The following RRAS2 variants were observed in gnomAD, a reference collection of about 807,000 sequenced individuals.
The protein encoded by RRAS2 is ras-related protein R-Ras2.
Under a neutral mutation model 27.6 loss-of-function variants are expected in RRAS2, and 7 were observed. The observed-to-expected ratio is 0.25, with a 90% CI of 0.14 to 0.48. RRAS2 has a LOEUF of 0.48. RRAS2 is among the 20% of genes least tolerant of loss of function. The pLI is 0.99. For synonymous variants in RRAS2, 86 were observed against 90.9 expected (o/e 0.95, Z 0.31); for missense variants, 178 against 256.2 (o/e 0.69, Z 2.08).
At chr11:14,352,295 G>T (rs532920724) in intron 1 of RRAS2, among the ~76,000 whole-genome samples, 1 of 152,136 alleles carries the variant, frequency 6.6e-6, no homozygotes, top group African/African-American at 2.4e-5. Context: ...TCAGTGCTAT[G>T]CAACAAATAA....
chr11:14,285,407 C>G (rs1436034655), intron 4 of RRAS2, among the ~76,000 whole-genome samples: 2 of 152,136 alleles, frequency 1.3e-5, no homozygotes, highest in East Asian at 1.9e-4. Context: ...AACTAGTTAA[C>G]AACAATATTT....
intron 1 of RRAS2, among the ~76,000 whole-genome samples, chr11:14,347,475 TG>T (rs1186079611): frequency 6.6e-6 from 1 of 152,208 alleles, no homozygotes; most frequent in Non-Finnish European, 1.5e-5. Context: ...TTTCTGTAAC[TG>T]GGAATAAGAC....
chr11:14,352,948 G>A (rs1338282195), intron 1 of RRAS2, among the ~76,000 whole-genome samples: 4 of 151,706 alleles, frequency 2.6e-5, no homozygotes, highest in African/African-American at 2.4e-5. Flanking sequence ...GCAGGCGCCC[G>A]CCACCACACC....
chr11:14,351,820 A>T (rs1348473132), intron 1 of RRAS2, among the ~76,000 whole-genome samples: 1 of 145,832 alleles, frequency 6.9e-6, no homozygotes, highest in African/African-American at 2.5e-5. Flanking sequence ...CCTTGAACCC[A>T]GGAGGCGGAG....
chr11:14,344,624 A>G lies in RRAS2; in HGVS notation c.108+14139T>C, dbSNP rs115448523. Reference sequence around the variant, plus strand: ...TTTTGACTACTGAAACGTCAACCACATCGTCATTAACCAAAAACAGGCATT... The same window carrying G: ...TTTTGACTACTGAAACGTCAACCACGTCGTCATTAACCAAAAACAGGCATT... On this transcript the variant is annotated intron_variant, in intron 1 of 5. Coordinates refer to ENST00000256196, the MANE Select transcript of RRAS2 (RefSeq NM_012250.6). Among the ~76,000 whole-genome samples, 641 of 152,336 alleles carry G rather than the reference A, an allele frequency of 4.2e-3. 2 individuals carry two copies. The highest frequency in any genetic ancestry group is 0.014 in the African/African-American group (594 of 41,582).
intron 1 of RRAS2, among the ~76,000 whole-genome samples, chr11:14,340,027 G>A (rs551805089): frequency 6.9e-4 from 105 of 151,528 alleles, no homozygotes; most frequent in Admixed American, 1.5e-3. Flanking sequence ...GCTGAGGTGG[G>A]AGGTTTGCTT....
At chr11:14,286,203 TATTA>T (rs1396029945) in intron 4 of RRAS2, among the ~76,000 whole-genome samples, 10 of 152,374 alleles carry the variant, frequency 6.6e-5, no homozygotes, top group South Asian at 4.1e-4. Flanking sequence ...GATCTGCTCC[TATTA>T]ATTATTTGTT....
intron 4 of RRAS2, among the ~76,000 whole-genome samples, chr11:14,291,854 G>A (rs1312058555): frequency 6.6e-6 from 1 of 152,180 alleles, no homozygotes; most frequent in Non-Finnish European, 1.5e-5. Context: ...GACCAGAAGT[G>A]TTTGGGATTT....
At chr11:14,296,201 A>G (rs1332795432) in intron 1 of RRAS2, among the ~76,000 whole-genome samples, 21 of 151,832 alleles carry the variant, frequency 1.4e-4, no homozygotes, top group African/African-American at 5.1e-4. Context: ...TAAATAAAAT[A>G]AATAGAATAA....
intron 5 of RRAS2, among the ~76,000 whole-genome samples, chr11:14,281,239 G>C (rs1452835140): frequency 1.3e-5 from 2 of 152,096 alleles, no homozygotes; most frequent in Non-Finnish European, 2.9e-5. Context: ...CTGAAAGTGA[G>C]GATAAAACAG....
Position 14,302,009 on chromosome 11 carries a change from TA to T in RRAS2, c.109-6155del, listed in dbSNP as rs138815095. The stretch of plus-strand genomic sequence containing the variant: ...AATTAAAATAAATAAATAAAATTCA[TA>T]AAATTTCAAATTTCTCATTCCCTTA... On this transcript the variant is annotated intron_variant, in intron 1 of 5. Transcript: ENST00000256196. Among the ~76,000 whole-genome samples, 1,229 of 151,000 alleles carry T rather than the reference TA, an allele frequency of 8.1e-3. 12 individuals are homozygous for T. The highest frequency in any genetic ancestry group is 0.029 in the African/African-American group (1,196 of 41,106).
chr11:14,353,216 A>C (rs79904273), intron 1 of RRAS2, among the ~76,000 whole-genome samples: 1 of 152,314 alleles, frequency 6.6e-6, no homozygotes, highest in East Asian at 1.9e-4. Context: ...AGCTTAGGAA[A>C]GACCATGATA....
intron 4 of RRAS2, among the ~76,000 whole-genome samples, chr11:14,287,838 C>T (rs1305838636): frequency 7.0e-6 from 1 of 142,870 alleles, no homozygotes; most frequent in Non-Finnish European, 1.5e-5. Flanking sequence ...CGCCACTGTA[C>T]TCTAGCCTGG....
chr11:14,355,105 T>C (rs1224592714), intron 1 of RRAS2, among the ~76,000 whole-genome samples: 1 of 152,060 alleles, frequency 6.6e-6, no homozygotes, highest in Non-Finnish European at 1.5e-5. Context: ...ATGGTGAAAC[T>C]TGGGTTTAGA....
rs1283239921 is a variant in RRAS2 at position 14,358,980 on chromosome 11, T to C, written c.-110A>G. 78 of 1,147,578 alleles carry C rather than the reference T, an allele frequency of 6.8e-5. 1 individual carries two copies. In the Admixed American group the frequency reaches 3.7e-3, roughly 54 times the overall value. 71.1% of individuals were successfully genotyped at this position (1,147,578 alleles called of 1,614,324 possible). On this transcript the variant is annotated 5_prime_UTR_variant, in exon 1 of 6. Coordinates refer to ENST00000256196, the MANE Select transcript of RRAS2 (RefSeq NM_012250.6). The surrounding 1 kb of genome is among the most constrained non-coding windows in gnomAD (Gnocchi z 5.1). ...GCGGGCTGCGGGCGAGCGGCCGGGCTGGGGTCCCGGGTACCGGGAGGCGTC... is the reference window on the plus strand; with the variant it reads ...GCGGGCTGCGGGCGAGCGGCCGGGCCGGGGTCCCGGGTACCGGGAGGCGTC...
At chr11:14,319,898 T>G (rs1397406974) in intron 1 of RRAS2, among the ~76,000 whole-genome samples, 1 of 152,196 alleles carries the variant, frequency 6.6e-6, no homozygotes, top group Non-Finnish European at 1.5e-5. Context: ...AGTTTACTGA[T>G]GGACTCGAAA....
chr11:14,361,794 G>A (rs1404693220), upstream of RRAS2, among the ~76,000 whole-genome samples: 2 of 152,184 alleles, frequency 1.3e-5, no homozygotes, highest in Non-Finnish European at 2.9e-5. Flanking sequence ...AAACTTGTTT[G>A]TGAATGTTAT....
chr11:14,344,078 G>A (rs904738790), intron 1 of RRAS2, among the ~76,000 whole-genome samples: 1 of 152,066 alleles, frequency 6.6e-6, no homozygotes, highest in Admixed American at 6.6e-5. Context: ...GGGACATCAA[G>A]GCTGCAGTGA....
At chr11:14,347,340 CAGA>C (rs782433338) in intron 1 of RRAS2, among the ~76,000 whole-genome samples, 1 of 152,028 alleles carries the variant, frequency 6.6e-6, no homozygotes, top group Non-Finnish European at 1.5e-5. Context: ...AAACAGAATG[CAGA>C]AGATTTTTGA....
Sources: allele counts gnomAD v4.1 joint callset (sites outside exome capture counted in the v4.1 genomes callset), GRCh38; gene constraint gnomAD v4.1.1; non-coding constraint Gnocchi (gnomAD v3.1); transcripts MANE v1.5; gene names NCBI Gene and HGNC (gene_info 2026-07-23, HGNC 2026-07-21).